MAGI2: variants seen among roughly 807,000 people sequenced by gnomAD.
MAGI2 encodes the protein membrane associated guanylate kinase, WW and PDZ domain containing 2.
Under a neutral mutation model 133.3 loss-of-function variants are expected in MAGI2, and 35 were observed. The observed-to-expected ratio is 0.26, with a 90% CI of 0.20 to 0.35. MAGI2 has a LOEUF of 0.35. Ranked by LOEUF, MAGI2 falls within the 10% of genes least tolerant of loss-of-function variation. The probability of loss-of-function intolerance (pLI) is 1.00; values close to 1 mark genes in which losing one functional copy is unlikely to be tolerated. For missense variants in MAGI2, 1,636 were observed against 1,863.4 expected, an observed-to-expected ratio of 0.88 and a Z score of 2.25; for synonymous variants, 729 against 710.6, an observed-to-expected ratio of 1.03 and a Z score of -0.41.
chr7:79,141,770 G>A (rs1822154363), intron 1 of MAGI2, among the ~76,000 whole-genome samples: 1 of 151,650 alleles, frequency 6.6e-6, no homozygotes, highest in African/African-American at 2.4e-5. Flanking sequence ...CGCAGATCTG[G>A]AAGAGTTGCC....
chr7:79,002,860 A>AGTGTGTGTGT (rs4021172), intron 2 of MAGI2, among the ~76,000 whole-genome samples: 88 of 133,636 alleles, frequency 6.6e-4, no homozygotes, highest in African/African-American at 1.4e-3. Flanking sequence ...TTTATTGAAA[A>AGTGTGTGTGT]GTGTGTGTGT....
At chr7:79,035,228 G>T (rs368835053) in intron 1 of MAGI2, among the ~76,000 whole-genome samples, 2 of 147,790 alleles carry the variant, frequency 1.4e-5, no homozygotes, top group Middle Eastern at 3.2e-3. Flanking sequence ...GGCAGGGGGG[G>T]TGGTGGGCCT....
At chr7:78,240,916 T>A (rs1043814736) in intron 10 of MAGI2, among the ~76,000 whole-genome samples, 13 of 152,142 alleles carry the variant, frequency 8.5e-5, no homozygotes, top group African/African-American at 1.9e-4. Flanking sequence ...ATGTCAATTT[T>A]AAAAATAAAT....
chr7:78,451,149 T>C (rs2110870), intron 6 of MAGI2, among the ~76,000 whole-genome samples: 117,859 of 152,010 alleles, frequency 0.78, 47,511 homozygotes, highest in East Asian at 0.95. Flanking sequence ...TAGTTCCCAC[T>C]TGTGGCTTGG....
intron 2 of MAGI2, among the ~76,000 whole-genome samples, chr7:78,687,159 A>G (rs1042494220): frequency 1.3e-5 from 2 of 152,128 alleles, no homozygotes; most frequent in Admixed American, 6.6e-5. Flanking sequence ...CCTGAACACA[A>G]TCAGGTTTTC....
chr7:78,363,232 A>G (rs915037697), intron 7 of MAGI2, among the ~76,000 whole-genome samples: 2 of 152,270 alleles, frequency 1.3e-5, no homozygotes, highest in African/African-American at 2.4e-5. Context: ...GGTGGCTCAC[A>G]CCTGTAATCC....
At chr7:79,113,839 C>T (rs1428833419) in intron 1 of MAGI2, among the ~76,000 whole-genome samples, 5 of 152,080 alleles carry the variant, frequency 3.3e-5, no homozygotes, top group African/African-American at 4.8e-5. Context: ...CACACACACT[C>T]CTTTCAACCT....
At chr7:78,436,932 C>G (rs1055292679) in intron 6 of MAGI2, among the ~76,000 whole-genome samples, 1 of 152,134 alleles carries the variant, frequency 6.6e-6, no homozygotes, top group Non-Finnish European at 1.5e-5. Flanking sequence ...TAGGAACCAA[C>G]TATGATTGTG....
intron 10 of MAGI2, among the ~76,000 whole-genome samples, chr7:78,219,818 G>T (rs1788631789): frequency 6.6e-6 from 1 of 151,976 alleles, no homozygotes; most frequent in Non-Finnish European, 1.5e-5. Context: ...CTCGACTCTT[G>T]CTTCCTACTA....
intron 6 of MAGI2, among the ~76,000 whole-genome samples, chr7:78,404,840 G>A (rs1220772409): frequency 2.0e-5 from 3 of 152,112 alleles, no homozygotes; most frequent in Non-Finnish European, 4.4e-5. Context: ...AAACTAAAGA[G>A]CTTCTGCACA....
At chr7:78,728,420 C>A (rs1351743561) in intron 2 of MAGI2, among the ~76,000 whole-genome samples, 6 of 151,704 alleles carry the variant, frequency 4.0e-5, no homozygotes. Context: ...CTATGGAACT[C>A]AAATTCTAGC....
intron 1 of MAGI2, among the ~76,000 whole-genome samples, chr7:79,428,457 T>C (rs951838703): frequency 6.6e-6 from 1 of 152,196 alleles, no homozygotes; most frequent in African/African-American, 2.4e-5. Flanking sequence ...ATGACCACTG[T>C]TGAGAATGAC....
Position 79,122,865 on chromosome 7 carries a change from T to A in MAGI2, c.302-115659A>T, listed in dbSNP as rs371356135. Among the ~76,000 whole-genome samples the A allele has an allele frequency of 9.2e-5, 14 of 152,222 alleles. No individual in the cohort carries two copies. In the East Asian group the frequency reaches 1.2e-3, roughly 13 times the overall value. On this transcript the variant is annotated intron_variant, in intron 1 of 21. Coordinates refer to ENST00000354212, the MANE Select transcript of MAGI2 (RefSeq NM_012301.4). ...TGCCACCATGCCCAGCTAATTTTTG[T>A]AATTTTAGTAGGGTCAGGGTTTCCC...
chr7:78,865,492 T>C (rs1360939532), intron 2 of MAGI2, among the ~76,000 whole-genome samples: 1 of 152,150 alleles, frequency 6.6e-6, no homozygotes, highest in Non-Finnish European at 1.5e-5. Flanking sequence ...AGAAGGTAGA[T>C]AGCATGTTGT....
intron 10 of MAGI2, among the ~76,000 whole-genome samples, chr7:78,206,768 A>G (rs1275696685): frequency 6.6e-6 from 1 of 152,226 alleles, no homozygotes; most frequent in East Asian, 1.9e-4. Flanking sequence ...TACTGTTACA[A>G]CGTCATGTAT....
chr7:78,755,222 A>G lies in MAGI2; in HGVS notation c.419-127983T>C, dbSNP rs899873352. On this transcript the variant is annotated intron_variant, in intron 2 of 21. Coordinates refer to ENST00000354212, the MANE Select transcript of MAGI2 (RefSeq NM_012301.4). ...AGCTCAAGAATAACTTTTTGTAAGTATGTACGGTGGAAAAAAACACTAGAC... is the reference window on the plus strand; with the variant it reads ...AGCTCAAGAATAACTTTTTGTAAGTGTGTACGGTGGAAAAAAACACTAGAC... 5.9e-5 allele frequency among the ~76,000 whole-genome samples: 9 copies of G among 152,220 alleles called. 1 individual carries two copies. Among genetic ancestry groups the G allele is most frequent in the African/African-American group, 2.2e-4 (9 of 41,464 alleles).
intron 2 of MAGI2, among the ~76,000 whole-genome samples, chr7:78,652,354 G>T (rs1811670212): frequency 6.6e-6 from 1 of 151,558 alleles, no homozygotes; most frequent in Non-Finnish European, 1.5e-5. Flanking sequence ...TAATATCAAG[G>T]GTCGCTACCT....
chr7:78,116,189 AC>A (rs1164678352), intron 20 of MAGI2, among the ~76,000 whole-genome samples: 1 of 152,244 alleles, frequency 6.6e-6, no homozygotes, highest in African/African-American at 2.4e-5. Flanking sequence ...AAATAAAAAA[AC>A]AAAAACACCT....
At chr7:78,258,310 CATCTCAGTG>C (rs534015291) in intron 9 of MAGI2, among the ~76,000 whole-genome samples, 38 of 152,298 alleles carry the variant, frequency 2.5e-4, no homozygotes, top group African/African-American at 8.7e-4. Context: ...TGATTCCATT[CATCTCAGTG>C]TCCCAGAGAA....
Sources: allele counts gnomAD v4.1 joint callset (sites outside exome capture counted in the v4.1 genomes callset), GRCh38; gene constraint gnomAD v4.1.1; transcripts MANE v1.5; gene names NCBI Gene and HGNC (gene_info 2026-07-23, HGNC 2026-07-21).